CUBN: variants seen among roughly 807,000 people sequenced by gnomAD.
The protein encoded by CUBN is cubilin.
CUBN carries 282 observed loss-of-function variants against 405.3 expected under a neutral mutation model. The observed-to-expected ratio is 0.70, with a 90% confidence interval of 0.63 to 0.77. CUBN has a LOEUF of 0.77. CUBN is among the 30% of genes least tolerant of loss of function. The pLI, the probability that CUBN is intolerant of heterozygous loss-of-function variation, is 0.00. For synonymous variants in CUBN, 1,684 were observed against 1,617.0 expected (o/e 1.04, Z -0.99); for missense variants, 4,514 against 4,475.2 (o/e 1.01, Z -0.25).
At chr10:16,836,115 T>C (rs1839160236) in intron 63 of CUBN, 120 bp downstream of exon 63, 1 of 1,023,846 alleles carries the variant, frequency 9.8e-7, no homozygotes, top group Non-Finnish European at 1.5e-6. Context: ...GGGATGTGGT[T>C]TTTGTTAACA....
chr10:16,838,924 G>A (rs1170755847), intron 62 of CUBN, among the ~76,000 whole-genome samples: 2 of 152,208 alleles, frequency 1.3e-5, no homozygotes, highest in African/African-American at 2.4e-5. Context: ...GGGATTATAA[G>A]CATGAGCCAC....
At chr10:16,843,127 A>C (rs1839405176) in intron 60 of CUBN, among the ~76,000 whole-genome samples, 1 of 152,064 alleles carries the variant, frequency 6.6e-6, no homozygotes, top group Non-Finnish European at 1.5e-5. Flanking sequence ...GGAGACAGAG[A>C]CTCTGTCTGA....
At chr10:17,065,129 T>TCCCCCCCC (rs11368099) in intron 22 of CUBN, among the ~76,000 whole-genome samples, 1 of 121,526 alleles carries the variant, frequency 8.2e-6, no homozygotes. Flanking sequence ...TCTCTCTCTC[T>TCCCCCCCC]CCCCCCCCCC....
chr10:17,062,735 A>C (rs1835529412), intron 22 of CUBN, among the ~76,000 whole-genome samples: 1 of 152,326 alleles, frequency 6.6e-6, no homozygotes, highest in South Asian at 2.1e-4. Context: ...TCAAATCCGG[A>C]AACTTAACCT....
Position 16,915,961 on chromosome 10 carries a change from T to C in CUBN, c.7070A>G (p.Tyr2357Cys). 6.2e-7 allele frequency: 1 copy of C among 1,614,164 alleles called. No individual in the cohort carries two copies. The highest frequency in any genetic ancestry group is 8.5e-7 in the Non-Finnish European group (1 of 1,180,020). ...VESIGHPTLPYRDNLFCEWHL... is the reference protein window; with the variant it reads ...VESIGHPTLPCRDNLFCEWHL... ...CCACTCACAGAATAAGTTGTCTCTG[T>C]ATGGAAGTGTTGGATGTCCAATGCT... Residue 2357 changes from tyrosine (Y) to cysteine (C), a missense_variant, in exon 46 of 67, where the codon TAC becomes TGC. This residue lies in a region of CUBN where 1,613 missense variants were observed against 1,542.8 expected (regional missense o/e 1.05). Transcript: ENST00000377833.
intron 28 of CUBN, among the ~76,000 whole-genome samples, chr10:16,995,830 T>C (rs1205656679): frequency 3.9e-5 from 6 of 152,228 alleles, no homozygotes; most frequent in African/African-American, 1.4e-4. Context: ...TTTATTTTAT[T>C]TGAATTATTT....
At chr10:17,036,342 T>G (rs1834899280) in intron 27 of CUBN, among the ~76,000 whole-genome samples, 1 of 151,908 alleles carries the variant, frequency 6.6e-6, no homozygotes, top group Non-Finnish European at 1.5e-5. Context: ...GAGGAAGCCT[T>G]TGGGGAGAGG....
chr10:17,034,793 GA>G (rs1834860076), intron 27 of CUBN, among the ~76,000 whole-genome samples: 1 of 152,162 alleles, frequency 6.6e-6, no homozygotes, highest in African/African-American at 2.4e-5. Context: ...TGGCGACGGG[GA>G]GACTGTTTCA....
At chr10:17,008,224 C>T (rs962113152) in intron 28 of CUBN, among the ~76,000 whole-genome samples, 1 of 146,904 alleles carries the variant, frequency 6.8e-6, no homozygotes, top group African/African-American at 2.5e-5. Flanking sequence ...GCTGTAGAGT[C>T]CCTGCCCGTG....
At chr10:16,970,586 A>AG in intron 31 of CUBN, among the ~76,000 whole-genome samples, 2 of 152,058 alleles carry the variant, frequency 1.3e-5, no homozygotes, top group East Asian at 3.9e-4. Flanking sequence ...CAAAAAAAAA[A>AG]AAAAAATCAA....
At chr10:16,887,561 G>T (rs567246731) in intron 56 of CUBN, among the ~76,000 whole-genome samples, 18 of 152,164 alleles carry the variant, frequency 1.2e-4, no homozygotes, top group Non-Finnish European at 2.1e-4. Context: ...ATTATCAAAA[G>T]ACAAGAGATA....
At chr10:17,123,555 C>T (rs772921211) in intron 5 of CUBN, 33 bp downstream of exon 5, 2 of 1,458,622 alleles carry the variant, frequency 1.4e-6, no homozygotes, top group Admixed American at 3.4e-5. Flanking sequence ...TGCTGACCTG[C>T]CATCATTCTT....
intron 1 of CUBN, 93 bp downstream of exon 1, chr10:17,129,551 G>C (rs1486555847): frequency 4.5e-6 from 7 of 1,556,776 alleles, no homozygotes; most frequent in Non-Finnish European, 6.2e-6. Flanking sequence ...TTTTCCTCAA[G>C]AAAAATTGCA....
At chr10:16,850,939 A>T (rs1839667062) in intron 60 of CUBN, among the ~76,000 whole-genome samples, 1 of 152,260 alleles carries the variant, frequency 6.6e-6, no homozygotes, top group African/African-American at 2.4e-5. Flanking sequence ...TCTCTCCAGA[A>T]AACCGACCTT....
intron 60 of CUBN, 44 bp downstream of exon 60, chr10:16,851,191 G>T (rs755697151): frequency 8.9e-6 from 13 of 1,465,118 alleles, no homozygotes; most frequent in Non-Finnish European, 1.2e-5. Flanking sequence ...CTATATTAGA[G>T]TCTGGGATGA....
chr10:16,887,475 T>C (rs1361911116), intron 56 of CUBN, among the ~76,000 whole-genome samples: 2 of 152,260 alleles, frequency 1.3e-5, no homozygotes, highest in Admixed American at 1.3e-4. Flanking sequence ...TTTAGACTTC[T>C]GCCTCTACTT....
chr10:16,894,313 AT>A (rs979075072), intron 54 of CUBN, among the ~76,000 whole-genome samples: 10 of 150,748 alleles, frequency 6.6e-5, no homozygotes, highest in South Asian at 2.1e-4. Flanking sequence ...GACATCTGCT[AT>A]TTTTTTTTCT....
chr10:16,960,746 T>C (rs1435899846), intron 31 of CUBN, among the ~76,000 whole-genome samples: 1 of 152,032 alleles, frequency 6.6e-6, no homozygotes, highest in Non-Finnish European at 1.5e-5. Context: ...GTAGACACAA[T>C]TGTGGGTAAG....
intron 64 of CUBN, among the ~76,000 whole-genome samples, chr10:16,832,736 G>A (rs1839046332): frequency 6.6e-6 from 1 of 152,192 alleles, no homozygotes. Context: ...GGACATCAGA[G>A]GATCTTGAAA....
Sources: allele counts gnomAD v4.1 joint callset (sites outside exome capture counted in the v4.1 genomes callset), GRCh38; gene constraint gnomAD v4.1.1; regional missense constraint gnomAD v4.1.1; transcripts MANE v1.5; gene names NCBI Gene and HGNC (gene_info 2026-07-23, HGNC 2026-07-21).